Variants in NRG1 observed in about 807,000 individuals in gnomAD.
NRG1 encodes neuregulin 1, also known as pro-neuregulin-1, membrane-bound isoform.
A neutral mutation model predicts 63.8 loss-of-function variants in NRG1; 18 were observed. That is an observed-to-expected ratio of 0.28 (90% CI 0.19 to 0.42). The LOEUF is 0.42. Among genes scored for constraint, NRG1 ranks in the 10% least tolerant of loss-of-function variants. The pLI is 1.00. For synonymous variants in NRG1, 302 were observed against 301.3 expected (o/e 1.00, Z -0.02); for missense variants, 762 against 814.7 (o/e 0.94, Z 0.79).
intron 1 of NRG1, among the ~76,000 whole-genome samples, chr8:31,711,934 A>G (rs887152643): frequency 6.6e-6 from 1 of 152,156 alleles, no homozygotes; most frequent in African/African-American, 2.4e-5. Flanking sequence ...ATCACCTCCC[A>G]AAGGTCCCAT....
At chr8:31,983,546 T>C (rs915876568) in intron 1 of NRG1, among the ~76,000 whole-genome samples, 1 of 151,954 alleles carries the variant, frequency 6.6e-6, no homozygotes, top group Admixed American at 6.6e-5. Flanking sequence ...AACCTGTCTA[T>C]TTTTTTAAAT....
intron 1 of NRG1, among the ~76,000 whole-genome samples, chr8:32,281,184 CT>C (rs35582021): frequency 5.7e-4 from 54 of 94,230 alleles, no homozygotes; most frequent in Middle Eastern, 8.8e-3. Context: ...GTAGTTTTTC[CT>C]TTTTTTTTTT....
chr8:32,074,456 G>T (rs1826194630), intron 1 of NRG1, among the ~76,000 whole-genome samples: 1 of 152,150 alleles, frequency 6.6e-6, no homozygotes, highest in South Asian at 2.1e-4. Flanking sequence ...CAAAGGATAT[G>T]GTTTGATAGT....
At chr8:32,057,267 A>C (rs1823102507) in intron 1 of NRG1, among the ~76,000 whole-genome samples, 1 of 152,196 alleles carries the variant, frequency 6.6e-6, no homozygotes, top group African/African-American at 2.4e-5. Flanking sequence ...TTCTGAAGCT[A>C]CAACTGTATA....
At chr8:32,449,269 C>G (rs1820669468) in intron 1 of NRG1, among the ~76,000 whole-genome samples, 1 of 151,924 alleles carries the variant, frequency 6.6e-6, no homozygotes, top group Non-Finnish European at 1.5e-5. Context: ...CATACTCTAG[C>G]CTGGGCAACA....
rs10633352 is a variant in NRG1, at chr8:32,107,060, TACA to T, written c.37+467652_37+467654del. 2.7e-3 allele frequency among the ~76,000 whole-genome samples: 408 copies of T among 150,164 alleles called. 3 individuals carry two copies. Among genetic ancestry groups the T allele is most frequent in the African/African-American group, 9.4e-3 (383 of 40,954 alleles). The stretch of plus-strand genomic sequence containing the variant: ...GGTGAAACCCTGTCTCTACTAAAAA[TACA>T]ACAACAACAACAACAACAACAAATT... On this transcript the variant is annotated intron_variant, in intron 1 of 10. Coordinates refer to the NRG1 transcript ENST00000519301.
At chr8:32,028,894 AT>A (rs1817858724) in intron 1 of NRG1, among the ~76,000 whole-genome samples, 1 of 114,710 alleles carries the variant, frequency 8.7e-6, no homozygotes, top group Non-Finnish European at 2.2e-5. Context: ...GAAATGAGTG[AT>A]GAAAAAGTTT....
intron 5 of NRG1, among the ~76,000 whole-genome samples, chr8:32,633,157 C>T (rs1314448704): frequency 6.6e-6 from 1 of 151,962 alleles, no homozygotes; most frequent in African/African-American, 2.4e-5. Flanking sequence ...TTTGGTATCA[C>T]CAGTAAATAA....
Position 32,766,931 on chromosome 8 carries a change from C to T in NRG1, c.*2529C>T, listed in dbSNP as rs191504891. On this transcript the variant is annotated 3_prime_UTR_variant, in exon 12 of 12. Coordinates refer to ENST00000356819, the Ensembl canonical transcript of NRG1. ...TTAATAAATTCCGACAGTGCAGTGG[C>T]GATCGGAGTGTGAACTTATGTTCCC... is the stretch of plus-strand genomic sequence containing the variant. 6 of 152,198 alleles carry T rather than the reference C, an allele frequency of 3.9e-5. No individual in the cohort carries two copies. The South Asian group carries it at 6.2e-4, about 16-fold the overall frequency. The allele number at this position is 152,198 out of a possible 1,614,324, so 9.4% of individuals were successfully genotyped here. A position where few individuals can be genotyped will look rare whatever the true frequency, so the allele number is the denominator to read the frequency against.
At chr8:31,864,579 G>C (rs759036780) in intron 1 of NRG1, among the ~76,000 whole-genome samples, 1 of 152,102 alleles carries the variant, frequency 6.6e-6, no homozygotes, top group Non-Finnish European at 1.5e-5. Flanking sequence ...ACTGAAAGGC[G>C]GAAAGTGCAG....
intron 1 of NRG1, among the ~76,000 whole-genome samples, chr8:32,107,180 G>A (rs1411484307): frequency 6.6e-6 from 1 of 151,702 alleles, no homozygotes; most frequent in East Asian, 1.9e-4. Context: ...AGGTCGCAGT[G>A]AGCCGAGATT....
chr8:31,779,588 G>A (rs1819485426), intron 1 of NRG1, among the ~76,000 whole-genome samples: 1 of 152,108 alleles, frequency 6.6e-6, no homozygotes, highest in South Asian at 2.1e-4. Flanking sequence ...GTCCAATTTA[G>A]TAATTATGGG....
chr8:32,533,956 A>G (rs1372052914), intron 1 of NRG1, among the ~76,000 whole-genome samples: 1 of 152,086 alleles, frequency 6.6e-6, no homozygotes, highest in East Asian at 1.9e-4. Context: ...AATACAAATT[A>G]TTTTTGTATT....
At chr8:32,129,766 A>G (rs1436561811) in intron 1 of NRG1, among the ~76,000 whole-genome samples, 1 of 151,950 alleles carries the variant, frequency 6.6e-6, no homozygotes, top group Non-Finnish European at 1.5e-5. Context: ...TAAATAAGGC[A>G]TGTGTATAAT....
At chr8:32,376,058 A>C (rs1311752864) in intron 1 of NRG1, among the ~76,000 whole-genome samples, 1 of 152,260 alleles carries the variant, frequency 6.6e-6, no homozygotes, top group African/African-American at 2.4e-5. Context: ...TGGAATAATC[A>C]TATTTCAATA....
intron 1 of NRG1, among the ~76,000 whole-genome samples, chr8:32,234,120 A>C (rs1030040235): frequency 2.6e-5 from 4 of 152,232 alleles, no homozygotes; most frequent in African/African-American, 9.6e-5. Flanking sequence ...TGAAATTTAC[A>C]TGCAAGAGAA....
intron 1 of NRG1, among the ~76,000 whole-genome samples, chr8:32,333,082 G>C (rs1391429379): frequency 6.6e-6 from 1 of 152,128 alleles, no homozygotes; most frequent in Non-Finnish European, 1.5e-5. Context: ...TTTTAAAGAA[G>C]GATGGACATC....
chr8:32,103,912 A>AT (rs1830905456), intron 1 of NRG1, among the ~76,000 whole-genome samples: 3 of 152,132 alleles, frequency 2.0e-5, no homozygotes, highest in Non-Finnish European at 1.5e-5. Context: ...TGTTGATTAT[A>AT]CCAGGCTTAC....
chr8:32,204,677 G>A (rs1037574828), intron 1 of NRG1, among the ~76,000 whole-genome samples: 3 of 152,150 alleles, frequency 2.0e-5, no homozygotes, highest in African/African-American at 7.2e-5. Context: ...GTTAACTGTA[G>A]CCTCAATGGA....
Sources: allele counts gnomAD v4.1 joint callset (sites outside exome capture counted in the v4.1 genomes callset), GRCh38; gene constraint gnomAD v4.1.1; transcripts MANE v1.5; gene names NCBI Gene and HGNC (gene_info 2026-07-23, HGNC 2026-07-21).